TPH2: variants seen among roughly 807,000 people sequenced by gnomAD.
The protein encoded by TPH2 is tryptophan hydroxylase 2.
A neutral mutation model predicts 59.1 loss-of-function variants in TPH2; 27 were observed. The ratio of observed to expected loss-of-function variants is 0.46; its 90% CI spans 0.34 to 0.63. TPH2 has a LOEUF of 0.63. Among genes scored for constraint, TPH2 ranks in the 30% least tolerant of loss-of-function variants. TPH2 has a pLI of 0.01. For synonymous variants in TPH2, 220 were observed against 210.5 expected, an observed-to-expected ratio of 1.05 and a Z score of -0.39; for missense variants, 523 against 588.3, an observed-to-expected ratio of 0.89 and a Z score of 1.15.
chr12:71,977,635 A>T (rs1362235371), intron 6 of TPH2, among the ~76,000 whole-genome samples: 1 of 152,112 alleles, frequency 6.6e-6, no homozygotes, highest in Non-Finnish European at 1.5e-5. Flanking sequence ...AACAAAACCA[A>T]TTTTTCCCCT....
At chr12:71,990,751 C>A (rs1420713395) in intron 7 of TPH2, among the ~76,000 whole-genome samples, 1 of 152,200 alleles carries the variant, frequency 6.6e-6, no homozygotes, top group African/African-American at 2.4e-5. Flanking sequence ...GCCTTGGCCC[C>A]ATGACATGCT....
At position 72,013,696 on chromosome 12, in the gene TPH2, C is replaced by A. The variant is rs184515504; in HGVS notation, c.1069-8703C>A. ...ATCATTAGTCTCTCTGTATCCCTAT[C>A]ATGCCTTTCTTGAGCAGAGAGACCA... On this transcript the variant is annotated intron_variant, in intron 8 of 10. Coordinates refer to ENST00000333850, the MANE Select transcript of TPH2 (RefSeq NM_173353.4). Among the ~76,000 whole-genome samples, 34 of 152,300 alleles carry A rather than the reference C, an allele frequency of 2.2e-4. No homozygotes were observed. In the East Asian group the frequency reaches 5.0e-3, roughly 22 times the overall value.
intron 9 of TPH2, among the ~76,000 whole-genome samples, chr12:72,024,805 C>A (rs1387228610): frequency 6.6e-6 from 1 of 152,148 alleles, no homozygotes; most frequent in Non-Finnish European, 1.5e-5. Context: ...TGGAAATCAG[C>A]CAGAAATACG....
intron 5 of TPH2, among the ~76,000 whole-genome samples, chr12:71,955,317 A>C (rs558402706): frequency 1.3e-5 from 2 of 152,258 alleles, no homozygotes; most frequent in African/African-American, 4.8e-5. Flanking sequence ...AGGTTTTTTT[A>C]AGGATTAAGT....
intron 8 of TPH2, among the ~76,000 whole-genome samples, chr12:72,001,508 C>A (rs544780543): frequency 9.7e-4 from 147 of 151,930 alleles, no homozygotes; most frequent in African/African-American, 3.4e-3. Flanking sequence ...TCACTGTAAC[C>A]TCCGCCTCCC....
intron 5 of TPH2, among the ~76,000 whole-genome samples, chr12:71,951,786 G>GA (rs761472209): frequency 2.2e-4 from 33 of 152,248 alleles, no homozygotes; most frequent in Non-Finnish European, 4.6e-4. Flanking sequence ...AGCACTTTGG[G>GA]AGGCTGAGGC....
chr12:72,020,700 T>G (rs1873386554), intron 8 of TPH2, among the ~76,000 whole-genome samples: 1 of 152,170 alleles, frequency 6.6e-6, no homozygotes, highest in Admixed American at 6.5e-5. Context: ...TTGGCCAGGC[T>G]GGTCTTGAAC....
intron 7 of TPH2, among the ~76,000 whole-genome samples, chr12:71,992,980 A>AAAC (rs1459095495): frequency 4.6e-5 from 7 of 152,246 alleles, no homozygotes; most frequent in Non-Finnish European, 8.8e-5. Context: ...TTGTTTTAAA[A>AAAC]AACAAATTCA....
intron 7 of TPH2, among the ~76,000 whole-genome samples, chr12:71,988,405 C>A (rs1254453231): frequency 1.3e-5 from 2 of 152,118 alleles, no homozygotes; most frequent in African/African-American, 4.8e-5. Flanking sequence ...GCACAGGAAG[C>A]ATAGTGGCAT....
intron 7 of TPH2, among the ~76,000 whole-genome samples, chr12:71,993,818 G>A (rs1207216348): frequency 6.6e-6 from 1 of 152,168 alleles, no homozygotes; most frequent in Admixed American, 6.5e-5. Context: ...AGCAAGAGTT[G>A]AAAAACATGA....
At chr12:72,029,691 C>A (rs1664870602) in intron 9 of TPH2, among the ~76,000 whole-genome samples, 2 of 152,100 alleles carry the variant, frequency 1.3e-5, no homozygotes, top group Admixed American at 6.6e-5. Context: ...AAAATGAGTT[C>A]ACGCTGAGAG....
chr12:72,017,001 T>G (rs542376385), intron 8 of TPH2, among the ~76,000 whole-genome samples: 2 of 152,334 alleles, frequency 1.3e-5, no homozygotes, highest in African/African-American at 4.8e-5. Flanking sequence ...AGTAAATTTC[T>G]TTCCCATCAA....
At chr12:72,017,891 G>T (rs117371230) in intron 8 of TPH2, among the ~76,000 whole-genome samples, 2 of 152,152 alleles carry the variant, frequency 1.3e-5, no homozygotes, top group African/African-American at 4.8e-5. Context: ...ATCAATGTGT[G>T]GTTGCCCTCT....
intron 7 of TPH2, among the ~76,000 whole-genome samples, chr12:71,987,715 G>T (rs1872477371): frequency 6.6e-6 from 1 of 152,110 alleles, no homozygotes; most frequent in Non-Finnish European, 1.5e-5. Context: ...AGCCAGGGGT[G>T]GTGGCGGGTG....
intron 8 of TPH2, among the ~76,000 whole-genome samples, chr12:72,010,583 G>A (rs188848449): frequency 2.6e-5 from 4 of 152,188 alleles, no homozygotes; most frequent in East Asian, 3.9e-4. Flanking sequence ...TACCTTTCTC[G>A]TCAGTTTTCA....
intron 7 of TPH2, among the ~76,000 whole-genome samples, chr12:71,984,209 A>G (rs1469730658): frequency 6.6e-6 from 1 of 152,212 alleles, no homozygotes; most frequent in Non-Finnish European, 1.5e-5. Flanking sequence ...GTGGCAATTA[A>G]TGTTATTTTT....
intron 5 of TPH2, among the ~76,000 whole-genome samples, chr12:71,970,217 C>T (rs1196197094): frequency 6.6e-6 from 1 of 152,094 alleles, no homozygotes; most frequent in Non-Finnish European, 1.5e-5. Context: ...TGACCGGAGG[C>T]CGACTTACTT....
chr12:71,966,828 C>T (rs1003584149), intron 5 of TPH2, among the ~76,000 whole-genome samples: 2 of 152,114 alleles, frequency 1.3e-5, no homozygotes, highest in Non-Finnish European at 2.9e-5. Flanking sequence ...AATTGCTTCC[C>T]CACACTGAAG....
At chr12:72,012,187 A>T (rs187912258) in intron 8 of TPH2, among the ~76,000 whole-genome samples, 1 of 152,150 alleles carries the variant, frequency 6.6e-6, no homozygotes. Context: ...CAACAACAAC[A>T]ACAACAACAA....
Sources: gnomAD v4.1 joint callset for allele counts (sites outside exome capture counted in the v4.1 genomes callset) on GRCh38, gnomAD v4.1.1 for gene constraint, MANE v1.5 for transcripts, NCBI Gene and HGNC (gene_info 2026-07-23, HGNC 2026-07-21) for gene names.